The following SPAG17 variants were observed in gnomAD, a reference collection of about 807,000 sequenced individuals.
SPAG17 encodes sperm-associated antigen 17.
SPAG17 carries 169 observed loss-of-function variants against 273.6 expected under a neutral mutation model. The observed-to-expected ratio is 0.62, with a 90% confidence interval of 0.55 to 0.70. The LOEUF (loss-of-function observed/expected upper bound fraction) is 0.70, where lower values mean the gene tolerates loss of function less well. Ranked by LOEUF, SPAG17 falls within the 30% of genes least tolerant of loss-of-function variation. The probability of loss-of-function intolerance (pLI) is 0.00; values close to 1 mark genes in which losing one functional copy is unlikely to be tolerated. For synonymous variants in SPAG17, 825 were observed against 873.2 expected, an observed-to-expected ratio of 0.94 and a Z score of 0.97; for missense variants, 2,557 against 2,627.8, an observed-to-expected ratio of 0.97 and a Z score of 0.59.
At chr1:118,150,520 C>A in intron 3 of SPAG17, 23 bp downstream of exon 3, 2 of 1,321,514 alleles carry the variant, frequency 1.5e-6, no homozygotes, top group Non-Finnish European at 2.1e-6. Context: ...ACAAAAATAT[C>A]TTCTATAAAC....
chr1:118,089,094 A>C (rs1316132194), intron 10 of SPAG17, among the ~76,000 whole-genome samples: 4 of 152,138 alleles, frequency 2.6e-5, no homozygotes, highest in Non-Finnish European at 5.9e-5. Context: ...TATATTGCAA[A>C]AAGAAAAGCT....
intron 15 of SPAG17, among the ~76,000 whole-genome samples, chr1:118,078,995 C>T (rs987161664): frequency 1.6e-4 from 25 of 151,910 alleles, no homozygotes; most frequent in South Asian, 8.3e-4. Flanking sequence ...CATCTATGTT[C>T]GTGAATGAGT....
chr1:118,124,918 CG>C (rs1360487553), intron 3 of SPAG17, among the ~76,000 whole-genome samples: 3 of 152,150 alleles, frequency 2.0e-5, no homozygotes, highest in African/African-American at 7.2e-5. Context: ...TCTTGGGTCA[CG>C]GTCCCTCTTC....
At chr1:118,037,342 C>G (rs1224640852) in intron 23 of SPAG17, among the ~76,000 whole-genome samples, 9 of 151,952 alleles carry the variant, frequency 5.9e-5, no homozygotes. Flanking sequence ...TGTTAAGGCA[C>G]TTTTTTTTCT....
intron 24 of SPAG17, among the ~76,000 whole-genome samples, chr1:118,034,103 A>T (rs1648796208): frequency 6.6e-6 from 1 of 152,192 alleles, no homozygotes; most frequent in Admixed American, 6.5e-5. Flanking sequence ...GCATCTGGAA[A>T]TTCCCCTCCT....
In SPAG17 at chr1:117,958,978, C is replaced by T. The variant is rs1367330309; in HGVS notation, c.*4821G>A. 15 of 1,613,830 alleles carry T rather than the reference C, an allele frequency of 9.3e-6. No homozygotes were observed. Among genetic ancestry groups the T allele is most frequent in the Non-Finnish European group, 1.3e-5 (15 of 1,179,880 alleles). On this transcript the variant is annotated intron_variant, in intron 48 of 48. Transcript: ENST00000336338. ...GTGATAGAAAAATTAAGGGAAACAA[C>T]TATTTCAAAAGTCAGCCAAGTCCGG...
chr1:118,183,394 A>G (rs1404974606), intron 1 of SPAG17, among the ~76,000 whole-genome samples: 1 of 152,126 alleles, frequency 6.6e-6, no homozygotes, highest in African/African-American at 2.4e-5. Flanking sequence ...TAATCTGGGA[A>G]TTATTCTTTT....
rs201664179 is a variant in SPAG17 at position 118,040,862 on chromosome 1, C to T, written c.3055-21G>A. 7.9e-5 allele frequency: 116 copies of T among 1,464,602 alleles called. 1 individual carries two copies. The East Asian group carries it at 2.3e-3, about 28-fold the overall frequency. The allele number at this position is 1,464,602 out of a possible 1,614,324, so 90.7% of individuals were successfully genotyped here. ...TGAAACTAGAAGAGAAAATATTATG[C>T]TTTGAGTGTGAAGCTGCAATAGACA... On this transcript the variant is annotated intron_variant, in intron 21 of 48. Transcript: ENST00000336338.
At position 118,111,553 on chromosome 1, in the gene SPAG17, AACAC is replaced by A. The variant is rs61266210; in HGVS notation, c.447+3753_447+3756del. Among the ~76,000 whole-genome samples the A allele has an allele frequency of 3.8e-4, 51 of 135,928 alleles. 1 individual carries two copies. The highest frequency in any genetic ancestry group is 9.3e-4 in the African/African-American group (33 of 35,334). The allele number at this position is 135,928 out of a possible 152,430, so 89.2% of individuals were successfully genotyped here. ...GTCCGTATGGCTTTTCTTTTAAAAC[AACAC>A]ACACACACACACACACACACACACA... is the stretch of plus-strand genomic sequence containing the variant. On this transcript the variant is annotated intron_variant, in intron 4 of 48. Coordinates refer to ENST00000336338, the MANE Select transcript of SPAG17 (RefSeq NM_206996.4).
At chr1:117,995,380 A>G (rs1657540398) in intron 34 of SPAG17, among the ~76,000 whole-genome samples, 1 of 152,054 alleles carries the variant, frequency 6.6e-6, no homozygotes, top group Non-Finnish European at 1.5e-5. Flanking sequence ...AACAGGGTCC[A>G]TGCCTGTTTT....
At chr1:118,013,606 G>A (rs1659685266) in intron 29 of SPAG17, among the ~76,000 whole-genome samples, 1 of 152,066 alleles carries the variant, frequency 6.6e-6, no homozygotes, top group Admixed American at 6.6e-5. Context: ...TCTTGGAAAT[G>A]TTATGTGGGT....
chr1:118,185,151 G>A lies in SPAG17; in HGVS notation c.7C>T (p.Pro3Ser), dbSNP rs766977572. 6.2e-6 allele frequency: 10 copies of A among 1,613,772 alleles called. No homozygotes were observed. The highest frequency in any genetic ancestry group is 8.5e-6 in the Non-Finnish European group (10 of 1,179,690). Reference sequence around the variant, plus strand: ...ACAGTTCCTCCTTTCTCCTTCTTGGGTGCCATGCAAAGGACGGGAGAAGCA... The same window carrying A: ...ACAGTTCCTCCTTTCTCCTTCTTGGATGCCATGCAAAGGACGGGAGAAGCA... MA[P>S]KKEKGGTVNT... The change falls in exon 1 of 49, where the codon CCC (proline) becomes TCC (serine). Residue 3 changes from proline to serine, a missense_variant. Coordinates refer to ENST00000336338, the MANE Select transcript of SPAG17 (RefSeq NM_206996.4).
intron 3 of SPAG17, among the ~76,000 whole-genome samples, chr1:118,127,457 G>C (rs747489160): frequency 1.3e-5 from 2 of 152,224 alleles, no homozygotes; most frequent in Non-Finnish European, 2.9e-5. Flanking sequence ...TAAACCACCC[G>C]ATCTCATGTG....
chr1:118,142,334 G>A (rs1297213934), intron 3 of SPAG17, among the ~76,000 whole-genome samples: 3 of 152,150 alleles, frequency 2.0e-5, no homozygotes, highest in East Asian at 3.9e-4. Flanking sequence ...GGAGAAATCA[G>A]CAGTTGTCAT....
intron 15 of SPAG17, among the ~76,000 whole-genome samples, chr1:118,077,070 C>T (rs1654160245): frequency 6.6e-6 from 1 of 152,072 alleles, no homozygotes; most frequent in African/African-American, 2.4e-5. Context: ...CCTTTATGTC[C>T]AGGAAAAGGC....
At chr1:117,968,346 A>G (rs1654138251) in intron 46 of SPAG17, among the ~76,000 whole-genome samples, 1 of 152,228 alleles carries the variant, frequency 6.6e-6, no homozygotes, top group African/African-American at 2.4e-5. Context: ...GGCTTTTGGC[A>G]TAATCCCTAC....
At chr1:118,156,437 G>A (rs958098804) in intron 1 of SPAG17, among the ~76,000 whole-genome samples, 1 of 152,180 alleles carries the variant, frequency 6.6e-6, no homozygotes, top group African/African-American at 2.4e-5. Flanking sequence ...AAACTGCAGG[G>A]TATTCAGTCC....
chr1:118,093,456 C>T (rs1408757918), intron 7 of SPAG17, 139 bp from the exon 8 acceptor site: 1 of 782,372 alleles, frequency 1.3e-6, no homozygotes, highest in Non-Finnish European at 1.9e-6. Flanking sequence ...ACCACTGAAT[C>T]CCAACCATGG....
chr1:118,119,542 T>C (rs1320367863), intron 3 of SPAG17, among the ~76,000 whole-genome samples: 2 of 152,236 alleles, frequency 1.3e-5, no homozygotes, highest in African/African-American at 4.8e-5. Flanking sequence ...ATGGTGTTTA[T>C]TGCAGTAACT....
Sources: gnomAD v4.1 joint callset for allele counts (sites outside exome capture counted in the v4.1 genomes callset) on GRCh38, gnomAD v4.1.1 for gene constraint, MANE v1.5 for transcripts, NCBI Gene and HGNC (gene_info 2026-07-23, HGNC 2026-07-21) for gene names.